The following P4HA3 variants were observed in gnomAD, a reference collection of about 807,000 sequenced individuals.
The protein encoded by P4HA3 is prolyl 4-hydroxylase subunit alpha-3.
P4HA3 carries 60 observed loss-of-function variants against 66.7 expected under a neutral mutation model. The ratio of observed to expected loss-of-function variants is 0.90; its 90% CI spans 0.73 to 1.12. P4HA3 has a LOEUF of 1.12. P4HA3 is among the 50% of genes most tolerant of loss of function. The probability of loss-of-function intolerance (pLI) is 0.00; values close to 1 mark genes in which losing one functional copy is unlikely to be tolerated. For missense variants in P4HA3, 683 were observed against 685.8 expected (o/e 1.00, Z 0.05); for synonymous variants, 263 against 274.6 (o/e 0.96, Z 0.42).
chr11:74,309,868 A>G (rs1861677332), intron 1 of P4HA3, among the ~76,000 whole-genome samples: 2 of 152,178 alleles, frequency 1.3e-5, no homozygotes, highest in Non-Finnish European at 2.9e-5. Flanking sequence ...TCTCGCAAAT[A>G]CTTTCCACCC....
intron 8 of P4HA3, among the ~76,000 whole-genome samples, chr11:74,278,836 C>A (rs151110170): frequency 4.6e-5 from 7 of 152,110 alleles, no homozygotes; most frequent in South Asian, 2.1e-4. Flanking sequence ...TGGCCTCCCC[C>A]CAAGGATGCT....
At chr11:74,310,826 A>G (rs1034400712) in intron 1 of P4HA3, among the ~76,000 whole-genome samples, 1 of 152,220 alleles carries the variant, frequency 6.6e-6, no homozygotes, top group African/African-American at 2.4e-5. Flanking sequence ...ATGGTGGAAG[A>G]CTGTCACCTG....
intron 4 of P4HA3, among the ~76,000 whole-genome samples, chr11:74,294,024 T>C (rs1861128073): frequency 6.6e-6 from 1 of 152,244 alleles, no homozygotes; most frequent in Non-Finnish European, 1.5e-5. Flanking sequence ...TTCTCCTGGA[T>C]AATATCCTGC....
downstream of P4HA3, among the ~76,000 whole-genome samples, chr11:74,263,306 C>T (rs1332337184): frequency 3.9e-5 from 6 of 152,244 alleles, no homozygotes; most frequent in Non-Finnish European, 5.9e-5. Context: ...CAGATATCTA[C>T]ATCTGACAAG....
chr11:74,282,511 G>A (rs772206636), intron 7 of P4HA3, among the ~76,000 whole-genome samples: 9 of 152,204 alleles, frequency 5.9e-5, no homozygotes, highest in Non-Finnish European at 1.0e-4. Context: ...ACAGAAGAGT[G>A]TGCAGCTGGA....
At chr11:74,286,120 CTTTA>C (rs2134765713) in intron 6 of P4HA3, 104 bp downstream of exon 6, 2 of 1,488,078 alleles carry the variant, frequency 1.3e-6, no homozygotes, top group Non-Finnish European at 1.8e-6. Context: ...CCCAAGTGAG[CTTTA>C]TTGTTTTTAA....
intron 9 of P4HA3, among the ~76,000 whole-genome samples, chr11:74,274,470 TA>T (rs1181940546): frequency 6.7e-6 from 1 of 148,244 alleles, no homozygotes; most frequent in Non-Finnish European, 1.5e-5. Flanking sequence ...CATGCCCAGC[TA>T]ATTTTTTTTT....
At chr11:74,289,220 TA>T in intron 4 of P4HA3, 90 bp from the exon 5 acceptor site, 1 of 880,856 alleles carries the variant, frequency 1.1e-6, no homozygotes, top group Non-Finnish European at 1.5e-6. Flanking sequence ...AAAAAAAAGA[TA>T]AAATATTCTT....
Position 74,281,819 on chromosome 11 carries a change from A to G in P4HA3, c.1111-2367T>C, listed in dbSNP as rs948580419. 3.3e-5 allele frequency among the ~76,000 whole-genome samples: 5 copies of G among 151,882 alleles called. No homozygotes were observed. The East Asian group carries it at 5.8e-4, about 18-fold the overall frequency. ...CAGCGCACCAGCATGGCACATGTAT[A>G]CGTATGTAACTAACCTGCACAATGT... On this transcript the variant is annotated intron_variant, in intron 7 of 12. Transcript: ENST00000331597.
intron 6 of P4HA3, 35 bp downstream of exon 6, chr11:74,286,193 C>T (rs115020738): frequency 0.013 from 20,100 of 1,601,744 alleles, 192 homozygotes; most frequent in African/African-American, 0.038. Context: ...TCTAGCCAGG[C>T]CTCTCCCCCT....
intron 4 of P4HA3, among the ~76,000 whole-genome samples, chr11:74,293,806 T>C (rs1336136628): frequency 6.6e-6 from 1 of 152,234 alleles, no homozygotes; most frequent in Non-Finnish European, 1.5e-5. Context: ...GAGTTTCTGC[T>C]GAGAGATCAG....
At chr11:74,255,032 ATT>A (rs756814642) in intron 15 of P4HA3, among the ~76,000 whole-genome samples, 32 of 151,906 alleles carry the variant, frequency 2.1e-4, no homozygotes, top group Non-Finnish European at 3.5e-4. Flanking sequence ...AACCCAAATC[ATT>A]TCCTGAGCTC....
chr11:74,269,159 T>A (rs1167742781), intron 11 of P4HA3, among the ~76,000 whole-genome samples: 1 of 151,040 alleles, frequency 6.6e-6, no homozygotes, highest in African/African-American at 2.4e-5. Context: ...TACTCATTCA[T>A]GAAGCAAACC....
intron 11 of P4HA3, among the ~76,000 whole-genome samples, chr11:74,269,193 G>A (rs1002181719): frequency 2.6e-5 from 4 of 151,938 alleles, no homozygotes; most frequent in African/African-American, 7.3e-5. Context: ...TCTCCTCAGC[G>A]CCTATCCTTT....
chr11:74,292,528 T>C (rs1861066574), intron 4 of P4HA3, among the ~76,000 whole-genome samples: 2 of 152,220 alleles, frequency 1.3e-5, no homozygotes, highest in South Asian at 4.1e-4. Context: ...GTTCTTTTAA[T>C]TGTGATGTTA....
intron 15 of P4HA3, among the ~76,000 whole-genome samples, chr11:74,259,459 A>G (rs749509517): frequency 1.1e-3 from 169 of 152,228 alleles, no homozygotes; most frequent in Non-Finnish European, 1.9e-3. Context: ...TACCTAACAC[A>G]GTATTTCTCA....
chr11:74,286,493 G>T, intron 5 of P4HA3, 102 bp from the exon 6 acceptor site: 1 of 1,105,082 alleles, frequency 9.0e-7, no homozygotes, highest in Non-Finnish European at 1.2e-6. Flanking sequence ...GCACAGGATG[G>T]GCAAGTGGAT....
intron 9 of P4HA3, among the ~76,000 whole-genome samples, chr11:74,276,274 C>G (rs1860390144): frequency 6.6e-6 from 1 of 152,140 alleles, no homozygotes; most frequent in South Asian, 2.1e-4. Flanking sequence ...ACCCATATAA[C>G]AAGTATGGCT....
chr11:74,277,012 G>C lies in P4HA3; in HGVS notation c.1308C>G (p.His436Gln), dbSNP rs145214954. 6.2e-6 allele frequency: 10 copies of C among 1,613,968 alleles called. No individual in the cohort carries two copies. Among genetic ancestry groups the C allele is most frequent in the Non-Finnish European group, 8.5e-6 (10 of 1,179,944 alleles). Residue 436 changes from histidine (H) to glutamine (Q), a missense_variant, in exon 9 of 13, where the codon CAC (histidine) becomes CAG (glutamine). Transcript: ENST00000331597. Reference sequence around the variant, plus strand: ...TAGCATGGTCAAAGTGAGGCTCATAGTGTCCTCCGATGCCATAGTTCACCA... The same window carrying C: ...TAGCATGGTCAAAGTGAGGCTCATACTGTCCTCCGATGCCATAGTTCACCA... ...LQVVNYGIGG[H>Q]YEPHFDHATS...
Sources: gnomAD v4.1 joint callset for allele counts (sites outside exome capture counted in the v4.1 genomes callset) on GRCh38, gnomAD v4.1.1 for gene constraint, MANE v1.5 for transcripts, NCBI Gene and HGNC (gene_info 2026-07-23, HGNC 2026-07-21) for gene names.